ERMAP: variants seen among roughly 807,000 people sequenced by gnomAD.
ERMAP encodes the protein erythroid membrane-associated protein.
Under a neutral mutation model 49.5 loss-of-function variants are expected in ERMAP, and 34 were observed. That is an observed-to-expected ratio of 0.69 (90% CI 0.52 to 0.91). The LOEUF (loss-of-function observed/expected upper bound fraction) is 0.91. ERMAP is among the 40% of genes least tolerant of loss of function. The pLI is 0.00. For synonymous variants in ERMAP, 214 were observed against 232.2 expected (o/e 0.92, Z 0.71); for missense variants, 541 against 582.6 (o/e 0.93, Z 0.74).
chr1:42,823,292 T>C (rs1654449136), intron 1 of ERMAP, among the ~76,000 whole-genome samples: 2 of 152,210 alleles, frequency 1.3e-5, no homozygotes, highest in African/African-American at 2.4e-5. Flanking sequence ...AACACACCCA[T>C]TGGTCATTTG....
chr1:42,817,130 T>G lies in ERMAP; in HGVS notation c.-245T>G, dbSNP rs745609221. On this transcript the variant is annotated 5_prime_UTR_variant, in exon 1 of 12. Transcript: ENST00000372517. ...GGCCCCCGCCTCCTGCCCTCTTCCC[T>G]CTCCTGGAGGAAAATGGCGGTCGCT... 1 of 1,110,260 alleles carries G rather than the reference T, an allele frequency of 9.0e-7. No individual in the cohort carries two copies. The highest frequency in any genetic ancestry group is 1.6e-5 in the South Asian group (1 of 60,992). The allele number at this position is 1,110,260 out of a possible 1,614,324, so 68.8% of individuals were successfully genotyped here.
chr1:42,843,155 G>C lies in ERMAP; in HGVS notation c.1351G>C (p.Glu451Gln). The change falls in exon 12 of 12, where the codon GAG (glutamate) becomes CAG (glutamine). Residue 451 changes from glutamate (E) to glutamine (Q), a missense_variant. Coordinates refer to ENST00000372517, the MANE Select transcript of ERMAP (RefSeq NM_001017922.2). ...NSSLLPPKAPELKDIILSLPP... is the reference protein window; with the variant it reads ...NSSLLPPKAPQLKDIILSLPP... ...TTCTTTACTACCCCCGAAGGCCCCA[G>C]AGCTGAAGGATATAATCCTGTCCTT... 9.3e-6 allele frequency: 15 copies of C among 1,614,110 alleles called. No homozygotes were observed. Among genetic ancestry groups the C allele is most frequent in the East Asian group, 2.2e-5 (1 of 44,874 alleles).
chr1:42,823,108 A>G lies in ERMAP; in HGVS notation c.-121-2515A>G, dbSNP rs115920326. Among the ~76,000 whole-genome samples the G allele has an allele frequency of 4.0e-3, 605 of 152,344 alleles. 1 individual carries two copies. The highest frequency in any genetic ancestry group is 0.014 in the African/African-American group (580 of 41,590). On this transcript the variant is annotated intron_variant, in intron 1 of 11. Coordinates refer to ENST00000372517, the MANE Select transcript of ERMAP (RefSeq NM_001017922.2). ...AGCATTTCAGTAGCTTTTTCAGATA[A>G]TCGTGGATATTCTTTGATAAGACAC... is the stretch of plus-strand genomic sequence containing the variant.
intron 4 of ERMAP, among the ~76,000 whole-genome samples, chr1:42,831,969 A>G (rs928349652): frequency 1.3e-5 from 2 of 152,174 alleles, no homozygotes; most frequent in Non-Finnish European, 2.9e-5. Flanking sequence ...TTAAAAAATC[A>G]GTCTACCAAA....
Position 42,835,121 on chromosome 1 carries a change from CT to C in ERMAP, c.520del (p.Cys174AlafsTer18). ...CCTGGTACTTCTCATCATGGTGTGC[CT>C]TTGCCTTATCTGGAAGCAAAGAAGA... Reference protein sequence around the residue: ...PVLVLLIMVCLCLIWKQRRAK... With the variant: ...PVLVLLIMVCXCLIWKQRRAK... On this transcript the variant is annotated frameshift_variant, in exon 5 of 12. Transcript: ENST00000372517. LOFTEE classifies it high-confidence loss of function. 2 of 1,559,276 alleles carry C rather than the reference CT, an allele frequency of 1.3e-6. No homozygotes were observed. The highest frequency in any genetic ancestry group is 1.8e-6 in the Non-Finnish European group (2 of 1,129,844).
intron 3 of ERMAP, 59 bp downstream of exon 3, chr1:42,830,592 T>C: frequency 1.3e-6 from 2 of 1,570,246 alleles, no homozygotes; most frequent in Non-Finnish European, 1.8e-6. Flanking sequence ...GTCCCCAGAA[T>C]AAGGAAGCTT....
chr1:42,844,484 G>A lies in ERMAP; in HGVS notation c.*1252G>A, dbSNP rs182956465. The A allele has an allele frequency of 1.8e-4, 32 of 175,100 alleles. No homozygotes were observed. The Middle Eastern group carries it at 7.0e-3, about 39-fold the overall frequency. 10.8% of individuals were successfully genotyped at this position (175,100 alleles called of 1,614,324 possible). On this transcript the variant is annotated 3_prime_UTR_variant, in exon 12 of 12. Coordinates refer to ENST00000372517, the MANE Select transcript of ERMAP (RefSeq NM_001017922.2). The surrounding 1 kb of genome is among the most constrained non-coding windows in gnomAD (Gnocchi z 4.0). ...TCAATATATATTGGGGCAGGGGGGC[G>A]GTGGTTATTATAAGGAATTGGCTCA...
chr1:42,825,163 C>T (rs1471654686), intron 1 of ERMAP, among the ~76,000 whole-genome samples: 1 of 152,034 alleles, frequency 6.6e-6, no homozygotes. Context: ...GCAAGACAGG[C>T]GGGAAGCGTT....
intron 3 of ERMAP, 81 bp from the exon 4 acceptor site, chr1:42,830,687 C>A: frequency 2.8e-6 from 4 of 1,433,170 alleles, no homozygotes; most frequent in Non-Finnish European, 3.7e-6. Flanking sequence ...CTGTCCGTCC[C>A]CGGGATATCC....
At position 42,839,139 on chromosome 1, in the gene ERMAP, G is replaced by A. The variant is rs752166038; in HGVS notation, c.637+218G>A. 128 of 675,642 alleles carry A rather than the reference G, an allele frequency of 1.9e-4. 1 individual carries two copies. Among genetic ancestry groups the A allele is most frequent in the Non-Finnish European group, 2.8e-4 (114 of 402,744 alleles). 41.9% of individuals were successfully genotyped at this position (675,642 alleles called of 1,614,324 possible). On this transcript the variant is annotated intron_variant, in intron 8 of 11. Coordinates refer to ENST00000372517, the MANE Select transcript of ERMAP (RefSeq NM_001017922.2). ...ATTATTTAGTCTTTAAATGAAAAAC[G>A]TTTCACCAGGAAGAGATAGATGCAT...
Position 42,842,898 on chromosome 1 carries a change from A to T in ERMAP, c.1094A>T (p.Glu365Val). ...TGTGTGGGGATTTTCCTGGACTATG[A>T]AGCAGGAGTCATCTCTTTCTACAAT... is the stretch of plus-strand genomic sequence containing the variant. ...PRCVGIFLDY[E>V]AGVISFYNVT... Residue 365 changes from glutamate to valine, a missense_variant, in exon 12 of 12, where the codon GAA becomes GTA. Coordinates refer to ENST00000372517, the MANE Select transcript of ERMAP (RefSeq NM_001017922.2). 6.2e-7 allele frequency: 1 copy of T among 1,614,152 alleles called. No individual in the cohort carries two copies. Among genetic ancestry groups the T allele is most frequent in the Non-Finnish European group, 8.5e-7 (1 of 1,180,046 alleles).
rs780138690 is a variant in ERMAP, at chr1:42,835,018, G to A, written c.434-20G>A. ...CTTAGACATCTCCCTGAGGTCAGTCGTTGGTGGTTTCTGTTTCAGCCCCAT... is the reference window on the plus strand; with the variant it reads ...CTTAGACATCTCCCTGAGGTCAGTCATTGGTGGTTTCTGTTTCAGCCCCAT... On this transcript the variant is annotated intron_variant, in intron 4 of 11. Transcript: ENST00000372517. 9 of 976,524 alleles carry A rather than the reference G, an allele frequency of 9.2e-6. No individual in the cohort carries two copies. The highest frequency in any genetic ancestry group is 3.4e-5 in the Admixed American group (2 of 59,232). 60.5% of individuals were successfully genotyped at this position (976,524 alleles called of 1,614,324 possible).
At chr1:42,839,085 T>C in intron 8 of ERMAP, 164 bp downstream of exon 8, 1 of 961,044 alleles carries the variant, frequency 1.0e-6, no homozygotes, top group South Asian at 1.3e-5. Context: ...TTTTCTCAAG[T>C]ATTCTCTGCT....
At chr1:42,831,732 C>T (rs753150615) in intron 4 of ERMAP, among the ~76,000 whole-genome samples, 4 of 151,698 alleles carry the variant, frequency 2.6e-5, no homozygotes, top group South Asian at 2.1e-4. Context: ...TACACATACA[C>T]TACCATGTCT....
intron 6 of ERMAP, 82 bp downstream of exon 6, chr1:42,835,846 T>A: frequency 6.6e-7 from 1 of 1,523,374 alleles, no homozygotes; most frequent in South Asian, 1.3e-5. Context: ...TAACCTGGAT[T>A]CTGTTCCTGA....
Position 42,842,651 on chromosome 1 carries a change from C to T in ERMAP, c.847C>T (p.Leu283=). The change falls in exon 12 of 12, where the codon CTA becomes TTA. Residue 283 remains leucine, a synonymous_variant. Coordinates refer to ENST00000372517, the MANE Select transcript of ERMAP (RefSeq NM_001017922.2). ...GAGATTTGATTTCGTTGTCAGCATCCTAGGCTCTGAGTACTTCACGACTGG... is the reference window on the plus strand; with the variant it reads ...GAGATTTGATTTCGTTGTCAGCATCTTAGGCTCTGAGTACTTCACGACTGG... ...PQRFDFVVSI[L]GSEYFTTGCH... The T allele has an allele frequency of 6.2e-7, 1 of 1,614,164 alleles. No individual in the cohort carries two copies. The highest frequency in any genetic ancestry group is 8.5e-7 in the Non-Finnish European group (1 of 1,180,016).
intron 5 of ERMAP, 109 bp downstream of exon 5, chr1:42,835,263 G>A: frequency 1.4e-6 from 1 of 709,472 alleles, no homozygotes. Flanking sequence ...CATAGGTTGG[G>A]GACACTGCAA....
intron 7 of ERMAP, among the ~76,000 whole-genome samples, chr1:42,838,346 C>T (rs989849179): frequency 3.3e-5 from 5 of 152,086 alleles, no homozygotes; most frequent in Non-Finnish European, 7.4e-5. Context: ...TCTAGCAGGG[C>T]CAATGCTGGG....
At chr1:42,818,927 AT>A (rs1654325830) in intron 1 of ERMAP, among the ~76,000 whole-genome samples, 1 of 152,178 alleles carries the variant, frequency 6.6e-6, no homozygotes, top group Non-Finnish European at 1.5e-5. Flanking sequence ...TAGTACTGGT[AT>A]TTTACATTTG....
Sources: allele counts gnomAD v4.1 joint callset (sites outside exome capture counted in the v4.1 genomes callset), GRCh38; gene constraint gnomAD v4.1.1; non-coding constraint Gnocchi (gnomAD v3.1); transcripts MANE v1.5; gene names NCBI Gene and HGNC (gene_info 2026-07-23, HGNC 2026-07-21).